Variants in USP34 observed in about 807,000 individuals in gnomAD.
USP34 encodes the protein ubiquitin carboxyl-terminal hydrolase 34.
A neutral mutation model predicts 460.3 loss-of-function variants in USP34; 70 were observed. The ratio of observed to expected loss-of-function variants is 0.15; its 90% CI spans 0.13 to 0.19. The LOEUF (loss-of-function observed/expected upper bound fraction) is 0.19, where lower values mean the gene tolerates loss of function less well. USP34 is among the 10% of genes least tolerant of loss of function. The probability of loss-of-function intolerance (pLI) is 1.00; values close to 1 mark genes in which losing one functional copy is unlikely to be tolerated. For missense variants in USP34, 3,985 were observed against 4,236.2 expected, an observed-to-expected ratio of 0.94 and a Z score of 1.65; for synonymous variants, 1,647 against 1,405.3, an observed-to-expected ratio of 1.17 and a Z score of -3.85.
chr2:61,392,788 A>C (rs1474113209), intron 5 of USP34, among the ~76,000 whole-genome samples: 2 of 152,236 alleles, frequency 1.3e-5, no homozygotes, highest in Non-Finnish European at 2.9e-5. Flanking sequence ...ATTCCTGATT[A>C]AGTAAACCCT....
intron 32 of USP34, among the ~76,000 whole-genome samples, chr2:61,294,560 G>C (rs543398341): frequency 1.3e-5 from 2 of 151,864 alleles, no homozygotes; most frequent in Non-Finnish European, 2.9e-5. Context: ...CTGGGATTAT[G>C]GGCAGCATGC....
Position 61,459,634 on chromosome 2 carries a change from G to A in USP34, c.43+11016C>T, listed in dbSNP as rs534457660. ...TACTAAAAATACAAAAGAATTAGCC[G>A]AGCGTGGTGGCAGGCACCTGTAATC... On this transcript the variant is annotated intron_variant, in intron 1 of 79. Transcript: ENST00000398571. Among the ~76,000 whole-genome samples the A allele has an allele frequency of 2.6e-4, 40 of 152,074 alleles. 1 individual carries two copies. The South Asian group carries it at 4.1e-3, about 16-fold the overall frequency.
At chr2:61,464,417 G>C (rs1403982586) in intron 1 of USP34, among the ~76,000 whole-genome samples, 1 of 152,208 alleles carries the variant, frequency 6.6e-6, no homozygotes, top group Non-Finnish European at 1.5e-5. Context: ...TATGCAGGTT[G>C]ACAGGTGATC....
At chr2:61,245,108 T>C (rs185935201) in intron 51 of USP34, 102 bp downstream of exon 51, 72 of 735,806 alleles carry the variant, frequency 9.8e-5, no homozygotes, top group Admixed American at 6.5e-4. Context: ...GATTTAATCA[T>C]AGCAATTAAA....
chr2:61,256,076 T>C (rs1199543411), intron 48 of USP34, among the ~76,000 whole-genome samples: 1 of 152,190 alleles, frequency 6.6e-6, no homozygotes, highest in Non-Finnish European at 1.5e-5. Flanking sequence ...TCACAAAAGC[T>C]AGACATCTGA....
At chr2:61,276,057 C>A (rs1171012828) in intron 41 of USP34, among the ~76,000 whole-genome samples, 1 of 152,034 alleles carries the variant, frequency 6.6e-6, no homozygotes, top group Non-Finnish European at 1.5e-5. Context: ...AAATAAATAT[C>A]AAATACAAAC....
chr2:61,338,682 T>G (rs1021153191), intron 18 of USP34, among the ~76,000 whole-genome samples: 21 of 152,198 alleles, frequency 1.4e-4, no homozygotes, highest in African/African-American at 5.1e-4. Flanking sequence ...AACATGAAAC[T>G]GTATCCATGG....
intron 18 of USP34, among the ~76,000 whole-genome samples, chr2:61,339,109 T>G (rs1691512248): frequency 6.6e-6 from 1 of 152,180 alleles, no homozygotes; most frequent in African/African-American, 2.4e-5. Flanking sequence ...ATTTTTTTGT[T>G]TCTGTTGGGT....
chr2:61,304,550 G>A (rs1032579901), intron 27 of USP34, among the ~76,000 whole-genome samples: 2 of 152,210 alleles, frequency 1.3e-5, no homozygotes, highest in Non-Finnish European at 2.9e-5. Flanking sequence ...TGGGAGTGGT[G>A]TCTCTACAAA....
intron 69 of USP34, among the ~76,000 whole-genome samples, chr2:61,210,746 C>G (rs1687252276): frequency 6.6e-6 from 1 of 152,076 alleles, no homozygotes; most frequent in African/African-American, 2.4e-5. Context: ...GAGACTCGCT[C>G]TGTCACCCAG....
chr2:61,379,113 T>C (rs1692893745), intron 7 of USP34, among the ~76,000 whole-genome samples: 1 of 152,154 alleles, frequency 6.6e-6, no homozygotes, highest in Admixed American at 6.5e-5. Context: ...ATTTAATTTA[T>C]CTGGGACAAT....
At chr2:61,261,264 A>C (rs1372399979) in intron 43 of USP34, among the ~76,000 whole-genome samples, 2 of 152,250 alleles carry the variant, frequency 1.3e-5, no homozygotes, top group African/African-American at 4.8e-5. Context: ...CCAAGTATCC[A>C]CTGATAAGTG....
At chr2:61,453,616 A>T (rs747624506) in intron 1 of USP34, among the ~76,000 whole-genome samples, 76 of 150,630 alleles carry the variant, frequency 5.0e-4, no homozygotes, top group Non-Finnish European at 7.2e-4. Context: ...AGGCTGAGGC[A>T]GGAGAATCAC....
At chr2:61,436,714 C>T (rs1458218728) in intron 1 of USP34, among the ~76,000 whole-genome samples, 1 of 152,200 alleles carries the variant, frequency 6.6e-6, no homozygotes, top group African/African-American at 2.4e-5. Context: ...CAGAACATTT[C>T]ACCTAATAGC....
At chr2:61,269,970 A>T (rs967279762) in intron 41 of USP34, among the ~76,000 whole-genome samples, 2 of 152,216 alleles carry the variant, frequency 1.3e-5, no homozygotes, top group African/African-American at 4.8e-5. Flanking sequence ...AAAATTTTTT[A>T]ACAATAGTCA....
chr2:61,233,586 G>C (rs1687977593), intron 57 of USP34, among the ~76,000 whole-genome samples: 2 of 152,118 alleles, frequency 1.3e-5, no homozygotes, highest in African/African-American at 4.8e-5. Context: ...AGCACTCTGG[G>C]AGGCAGAGGC....
In USP34 at chr2:61,295,046, A is replaced by C. The variant is rs1318912762; in HGVS notation, c.4378-14T>G. ...ACTGTAACTTCCCTATGAGAAAGGC[A>C]AAAAAAGTAAGGCAGAATGGCGGAA... On this transcript the variant is annotated splice_polypyrimidine_tract_variant and intron_variant, in intron 31 of 79. Transcript: ENST00000398571. The C allele has an allele frequency of 6.2e-7, 1 of 1,606,928 alleles. No individual in the cohort carries two copies. The highest frequency in any genetic ancestry group is 2.2e-5 in the East Asian group (1 of 44,694).
At chr2:61,436,139 G>T (rs1287867999) in intron 1 of USP34, among the ~76,000 whole-genome samples, 1 of 151,910 alleles carries the variant, frequency 6.6e-6, no homozygotes, top group Non-Finnish European at 1.5e-5. Context: ...ACAGAGCCTG[G>T]CCAACATGAC....
chr2:61,239,720 A>T (rs963351948), intron 53 of USP34, among the ~76,000 whole-genome samples: 3 of 152,208 alleles, frequency 2.0e-5, no homozygotes, highest in South Asian at 4.1e-4. Flanking sequence ...TGCAGGCAAG[A>T]TACTAGTTAA....
Sources: gnomAD v4.1 joint callset for allele counts (sites outside exome capture counted in the v4.1 genomes callset) on GRCh38, gnomAD v4.1.1 for gene constraint, MANE v1.5 for transcripts, NCBI Gene and HGNC (gene_info 2026-07-23, HGNC 2026-07-21) for gene names.